GREM2: variants seen among roughly 807,000 people sequenced by gnomAD.
GREM2 encodes the protein gremlin-2.
Under a neutral mutation model 14.2 loss-of-function variants are expected in GREM2, and 11 were observed. The ratio of observed to expected loss-of-function variants is 0.78; its 90% CI spans 0.49 to 1.28. GREM2 has a LOEUF of 1.28. GREM2 is among the 50% of genes most tolerant of loss of function. The pLI is 0.00. For synonymous variants in GREM2, 98 were observed against 97.6 expected, an observed-to-expected ratio of 1.00 and a Z score of -0.02; for missense variants, 210 against 218.5, an observed-to-expected ratio of 0.96 and a Z score of 0.24.
intron 1 of GREM2, among the ~76,000 whole-genome samples, chr1:240,604,938 A>C (rs2102873840): frequency 6.6e-6 from 1 of 152,366 alleles, no homozygotes; most frequent in Middle Eastern, 3.4e-3. Flanking sequence ...GGTCCAAGCA[A>C]GCATTAGGTC....
intron 1 of GREM2, among the ~76,000 whole-genome samples, chr1:240,532,463 A>G (rs1402574441): frequency 1.3e-5 from 2 of 152,196 alleles, no homozygotes; most frequent in African/African-American, 4.8e-5. Context: ...TCCCAAAGTT[A>G]ACCAAAGTTA....
chr1:240,511,321 A>G (rs1428648568), intron 1 of GREM2, among the ~76,000 whole-genome samples: 2 of 152,256 alleles, frequency 1.3e-5, no homozygotes, highest in Non-Finnish European at 2.9e-5. Flanking sequence ...TACAAATAAA[A>G]ATACAGTATA....
At chr1:240,602,499 A>T (rs557651764) in intron 1 of GREM2, among the ~76,000 whole-genome samples, 199 of 152,278 alleles carry the variant, frequency 1.3e-3, no homozygotes, top group Admixed American at 3.6e-3. Context: ...AATAGTTATA[A>T]TTCCTTAAAG....
intron 1 of GREM2, among the ~76,000 whole-genome samples, chr1:240,530,234 T>A (rs1221845672): frequency 1.3e-5 from 2 of 152,140 alleles, no homozygotes; most frequent in Non-Finnish European, 2.9e-5. Context: ...GTGACTAATG[T>A]GATATGTGAG....
At chr1:240,536,334 G>A (rs1422582597) in intron 1 of GREM2, among the ~76,000 whole-genome samples, 4 of 152,180 alleles carry the variant, frequency 2.6e-5, no homozygotes, top group Non-Finnish European at 4.4e-5. Context: ...AATTAAATGG[G>A]AAGAAAGGGT....
intron 1 of GREM2, among the ~76,000 whole-genome samples, chr1:240,608,913 T>G (rs1680081326): frequency 6.6e-6 from 1 of 152,062 alleles, no homozygotes; most frequent in South Asian, 2.1e-4. Context: ...TTTTTCAGAG[T>G]TTGCATGCTG....
At chr1:240,587,863 C>A (rs1679628645) in intron 1 of GREM2, among the ~76,000 whole-genome samples, 1 of 152,142 alleles carries the variant, frequency 6.6e-6, no homozygotes, top group Admixed American at 6.5e-5. Flanking sequence ...TTCTCTTTGG[C>A]CTGATTTGTA....
chr1:240,542,358 ACTTTGGGAGG>A lies in GREM2; in HGVS notation c.-1-48892_-1-48883del, dbSNP rs1678609394. 6.6e-6 allele frequency among the ~76,000 whole-genome samples: 1 copy of A among 151,250 alleles called. No individual in the cohort carries two copies. The highest frequency in any genetic ancestry group is 2.4e-5 in the African/African-American group (1 of 41,124). ...CTCACGGCTCACGTCTAATCCCAGT[ACTTTGGGAGG>A]CCGAGGTGGGCAGATCACTTGCGGC... On this transcript the variant is annotated intron_variant, in intron 1 of 1. Coordinates refer to ENST00000318160, the MANE Select transcript of GREM2 (RefSeq NM_022469.4). This position sits in a 1 kb window ranked among gnomAD's most constrained non-coding sequence, Gnocchi z 4.1.
Position 240,493,357 on chromosome 1 carries a change from T to C in GREM2, c.119A>G (p.Asn40Ser). The C allele has an allele frequency of 6.2e-7, 1 of 1,614,018 alleles. No homozygotes were observed. The highest frequency in any genetic ancestry group is 8.5e-7 in the Non-Finnish European group (1 of 1,180,022). Residue 40 changes from asparagine (N) to serine (S), a missense_variant, in exon 2 of 2, where the codon AAC becomes AGC. Asn to Ser is a conservative substitution (Grantham distance 46). Coordinates refer to ENST00000318160, the MANE Select transcript of GREM2 (RefSeq NM_022469.4). ...CTGGTGCTGCCATCTCTCCGAGTTG[T>C]TGCTGCTGCCGTCCTTGTAAGGCGA... ...IPSPYKDGSS[N>S]NSERWQHQIK...
intron 1 of GREM2, among the ~76,000 whole-genome samples, chr1:240,603,412 C>A (rs1679965948): frequency 2.0e-5 from 3 of 152,116 alleles, no homozygotes; most frequent in African/African-American, 7.2e-5. Flanking sequence ...CCTAAAGAGC[C>A]TCAGTGTTGG....
At chr1:240,584,267 G>C in intron 1 of GREM2, among the ~76,000 whole-genome samples, 1 of 152,070 alleles carries the variant, frequency 6.6e-6, no homozygotes, top group East Asian at 1.9e-4. Context: ...GGCTGAGGCA[G>C]GTGGATCACC....
At chr1:240,601,627 C>T (rs1679926254) in intron 1 of GREM2, among the ~76,000 whole-genome samples, 1 of 152,164 alleles carries the variant, frequency 6.6e-6, no homozygotes, top group African/African-American at 2.4e-5. Context: ...GTGTGTTAGG[C>T]CCGGCACGGT....
At chr1:240,588,407 C>T (rs1021263120) in intron 1 of GREM2, 5 of 152,270 alleles carry the variant, frequency 3.3e-5, no homozygotes, top group African/African-American at 9.7e-5. Flanking sequence ...ATAGTCAGTT[C>T]GACAGCAGAG....
chr1:240,499,813 C>T (rs1677525200), intron 1 of GREM2, among the ~76,000 whole-genome samples: 1 of 147,102 alleles, frequency 6.8e-6, no homozygotes, highest in African/African-American at 2.6e-5. Flanking sequence ...CAGCCACAGC[C>T]ACTCATTTAG....
chr1:240,568,384 T>C (rs1679203556), intron 1 of GREM2, among the ~76,000 whole-genome samples: 1 of 151,952 alleles, frequency 6.6e-6, no homozygotes, highest in Non-Finnish European at 1.5e-5. Flanking sequence ...AAAAAATTTA[T>C]CAATCCAAAG....
At chr1:240,550,598 G>C (rs1678827991) in intron 1 of GREM2, among the ~76,000 whole-genome samples, 1 of 152,142 alleles carries the variant, frequency 6.6e-6, no homozygotes, top group South Asian at 2.1e-4. Flanking sequence ...TGTAGCATCA[G>C]TTGTTTTGCA....
intron 1 of GREM2, among the ~76,000 whole-genome samples, chr1:240,514,639 C>T (rs1677911757): frequency 6.6e-6 from 1 of 152,148 alleles, no homozygotes; most frequent in African/African-American, 2.4e-5. Flanking sequence ...TAGCTCACAC[C>T]TGTAATCCCA....
chr1:240,518,609 C>T (rs557514697), intron 1 of GREM2, among the ~76,000 whole-genome samples: 1 of 152,266 alleles, frequency 6.6e-6, no homozygotes, highest in African/African-American at 2.4e-5. Flanking sequence ...GATTTGTTGT[C>T]TAGATCAATT....
At chr1:240,520,476 T>G (rs939826500) in intron 1 of GREM2, among the ~76,000 whole-genome samples, 2 of 152,194 alleles carry the variant, frequency 1.3e-5, no homozygotes, top group Non-Finnish European at 2.9e-5. Flanking sequence ...AAGACTGAAA[T>G]AGATGTTTCA....
Sources: allele counts gnomAD v4.1 joint callset (sites outside exome capture counted in the v4.1 genomes callset), GRCh38; gene constraint gnomAD v4.1.1; non-coding constraint Gnocchi (gnomAD v3.1); transcripts MANE v1.5; gene names NCBI Gene and HGNC (gene_info 2026-07-23, HGNC 2026-07-21).